The following RANBP10 variants were observed in gnomAD, a reference collection of about 807,000 sequenced individuals.
The protein encoded by RANBP10 is RAN binding protein 10.
Under a neutral mutation model 72.8 loss-of-function variants are expected in RANBP10, and 24 were observed. That is an observed-to-expected ratio of 0.33 (90% CI 0.24 to 0.46). The LOEUF (loss-of-function observed/expected upper bound fraction) is 0.46, where lower values mean the gene tolerates loss of function less well. RANBP10 is among the 20% of genes least tolerant of loss of function. The probability of loss-of-function intolerance (pLI) is 1.00; values close to 1 mark genes in which losing one functional copy is unlikely to be tolerated. For synonymous variants in RANBP10, 310 were observed against 322.3 expected (o/e 0.96, Z 0.41); for missense variants, 679 against 817.5 (o/e 0.83, Z 2.07).
intron 2 of RANBP10, among the ~76,000 whole-genome samples, chr16:67,793,826 T>C (rs991866142): frequency 6.6e-6 from 1 of 152,136 alleles, no homozygotes; most frequent in Non-Finnish European, 1.5e-5. Context: ...CTGCATTTGT[T>C]TAAACCTGCA....
At chr16:67,738,227 C>T (rs2053895777) in intron 4 of RANBP10, among the ~76,000 whole-genome samples, 192 bp from the exon 5 acceptor site, 1 of 152,006 alleles carries the variant, frequency 6.6e-6, no homozygotes, top group South Asian at 2.1e-4. Context: ...CAACCTCTGC[C>T]TCCTGGTTCA....
chr16:67,790,830 G>A (rs1224098291), intron 2 of RANBP10, among the ~76,000 whole-genome samples: 1 of 151,372 alleles, frequency 6.6e-6, no homozygotes, highest in African/African-American at 2.4e-5. Context: ...CTCCTGAGCT[G>A]CTGGGATTAC....
intron 3 of RANBP10, among the ~76,000 whole-genome samples, chr16:67,745,670 T>A (rs1024463411): frequency 1.4e-4 from 21 of 152,034 alleles, no homozygotes; most frequent in Admixed American, 9.2e-4. Flanking sequence ...TCAAATGAGT[T>A]TTAACAAATG....
At chr16:67,727,222 G>A (rs1334028937) in intron 13 of RANBP10, 105 bp downstream of exon 13, 24 of 1,128,194 alleles carry the variant, frequency 2.1e-5, no homozygotes, top group African/African-American at 3.2e-5. Context: ...AAACCCAGGA[G>A]GCAGAGGTGG....
chr16:67,757,653 C>T (rs564859715), intron 3 of RANBP10, among the ~76,000 whole-genome samples: 2 of 152,298 alleles, frequency 1.3e-5, no homozygotes, highest in South Asian at 2.1e-4. Flanking sequence ...TGGCAGGACC[C>T]ACGGCCTGGA....
intron 4 of RANBP10, among the ~76,000 whole-genome samples, chr16:67,743,480 C>T (rs992260728): frequency 6.6e-5 from 10 of 152,156 alleles, no homozygotes; most frequent in African/African-American, 2.2e-4. Context: ...TAGCCAAAGT[C>T]TCTTCCTCTC....
intron 3 of RANBP10, among the ~76,000 whole-genome samples, chr16:67,748,117 G>A (rs1241180135): frequency 1.3e-5 from 2 of 151,774 alleles, no homozygotes; most frequent in East Asian, 1.9e-4. Flanking sequence ...GAGCCACTGC[G>A]CCCGGCCCTC....
At chr16:67,739,255 C>T (rs1597838523) in intron 4 of RANBP10, among the ~76,000 whole-genome samples, 1 of 152,184 alleles carries the variant, frequency 6.6e-6, no homozygotes, top group South Asian at 2.1e-4. Context: ...TGTGAGCTAC[C>T]GCACCTCGCC....
chr16:67,760,599 GCAC>G (rs1193231791), intron 3 of RANBP10, among the ~76,000 whole-genome samples: 1 of 152,208 alleles, frequency 6.6e-6, no homozygotes, highest in Non-Finnish European at 1.5e-5. Flanking sequence ...TGGTTGCCAG[GCAC>G]CACATGTTTC....
Position 67,771,438 on chromosome 16 carries a change from C to T in RANBP10, c.400+596G>A, listed in dbSNP as rs1032535211. ...TCAGCTCACTGCAACCTCCACCTCC[C>T]GGGTTCAAGCGATTCTCCTGCCTCT... On this transcript the variant is annotated intron_variant, in intron 3 of 13. Coordinates refer to ENST00000317506, the MANE Select transcript of RANBP10 (RefSeq NM_020850.3). Among the ~76,000 whole-genome samples the T allele has an allele frequency of 3.9e-5, 6 of 151,922 alleles. No individual in the cohort carries two copies. The South Asian group carries it at 8.3e-4, about 21-fold the overall frequency.
At position 67,730,865 on chromosome 16, in the gene RANBP10, T is replaced by C. The variant is rs1444106242; in HGVS notation, c.889+607A>G. On this transcript the variant is annotated intron_variant, in intron 7 of 13. Transcript: ENST00000317506. This position sits in a 1 kb window ranked among gnomAD's most constrained non-coding sequence, Gnocchi z 4.3. Reference sequence around the variant, plus strand: ...TCCTTTTCTCCTTCTAGCTCCTCACTGGGCTCCTTTTCCTCTTTTCCAACA... The same window carrying C: ...TCCTTTTCTCCTTCTAGCTCCTCACCGGGCTCCTTTTCCTCTTTTCCAACA... Among the ~76,000 whole-genome samples, 2 of 152,138 alleles carry C rather than the reference T, an allele frequency of 1.3e-5. No homozygotes were observed. Among genetic ancestry groups the C allele is most frequent in the African/African-American group, 4.8e-5 (2 of 41,432 alleles).
intron 3 of RANBP10, among the ~76,000 whole-genome samples, chr16:67,758,730 T>C (rs1036135318): frequency 2.6e-5 from 4 of 152,234 alleles, no homozygotes; most frequent in African/African-American, 7.2e-5. Context: ...AGGACTTAAC[T>C]TGCCCTGAAA....
intron 2 of RANBP10, among the ~76,000 whole-genome samples, chr16:67,784,403 T>A (rs1465611622): frequency 6.6e-6 from 1 of 152,184 alleles, no homozygotes; most frequent in East Asian, 1.9e-4. Context: ...ACGCCTGTAA[T>A]CCCAGCACTT....
intron 3 of RANBP10, among the ~76,000 whole-genome samples, chr16:67,746,247 C>T (rs1319213939): frequency 3.9e-5 from 6 of 151,952 alleles, no homozygotes; most frequent in African/African-American, 1.2e-4. Context: ...TTTGGGAGGA[C>T]GAGGCGAGCG....
intron 3 of RANBP10, among the ~76,000 whole-genome samples, chr16:67,750,958 G>T (rs1013679952): frequency 6.6e-6 from 1 of 152,012 alleles, no homozygotes; most frequent in South Asian, 2.1e-4. Flanking sequence ...AGTAGAGACG[G>T]GGTTTCACTG....
At chr16:67,803,596 G>C (rs904677060) in intron 2 of RANBP10, among the ~76,000 whole-genome samples, 2 of 147,854 alleles carry the variant, frequency 1.4e-5, no homozygotes, top group African/African-American at 2.5e-5. Flanking sequence ...GTTGTGGTGA[G>C]CTGAGATTGC....
chr16:67,767,214 C>T (rs1235985380), intron 3 of RANBP10, among the ~76,000 whole-genome samples: 1 of 152,156 alleles, frequency 6.6e-6, no homozygotes, highest in South Asian at 2.1e-4. Context: ...CTCAAAGAGA[C>T]TCAGATCAGC....
intron 5 of RANBP10, 136 bp downstream of exon 5, chr16:67,737,877 C>G (rs531043070): frequency 1.6e-6 from 2 of 1,213,422 alleles, no homozygotes; most frequent in African/African-American, 3.0e-5. Flanking sequence ...CTGGTACCCT[C>G]AAGCTGACAG....
chr16:67,801,510 G>A (rs1406043575), intron 2 of RANBP10, among the ~76,000 whole-genome samples: 1 of 152,152 alleles, frequency 6.6e-6, no homozygotes, highest in Admixed American at 6.5e-5. Context: ...GGGACTCAGG[G>A]CTCACTCACA....
Sources: allele counts gnomAD v4.1 joint callset (sites outside exome capture counted in the v4.1 genomes callset), GRCh38; gene constraint gnomAD v4.1.1; non-coding constraint Gnocchi (gnomAD v3.1); transcripts MANE v1.5; gene names NCBI Gene and HGNC (gene_info 2026-07-23, HGNC 2026-07-21).